The following CADM1 variants were observed in gnomAD, a reference collection of about 807,000 sequenced individuals.
CADM1 encodes cell adhesion molecule 1, also known as TSLC-1.
In CADM1, 15 loss-of-function variants were observed where a neutral mutation model predicts 53.1. The ratio of observed to expected loss-of-function variants is 0.28; its 90% CI spans 0.19 to 0.44. CADM1 has a LOEUF of 0.44. Ranked by LOEUF, CADM1 falls within the 20% of genes least tolerant of loss-of-function variation. The pLI is 1.00. For missense variants in CADM1, 434 were observed against 611.3 expected (o/e 0.71, Z 3.06); for synonymous variants, 281 against 243.0 (o/e 1.16, Z -1.45).
At chr11:115,190,842 C>A in intron 10 of CADM1, 46 bp downstream of exon 10, 1 of 1,512,468 alleles carries the variant, frequency 6.6e-7, no homozygotes, top group East Asian at 2.3e-5. Flanking sequence ...GATAGAGCAC[C>A]CACAGGTTGG....
At chr11:115,466,612 G>A (rs1333732187) in intron 1 of CADM1, among the ~76,000 whole-genome samples, 2 of 152,148 alleles carry the variant, frequency 1.3e-5, no homozygotes, top group East Asian at 3.8e-4. Context: ...CCAATATTAA[G>A]GTGTGCATTT....
chr11:115,391,148 TCTTATAA>T (rs1946826561), intron 1 of CADM1, among the ~76,000 whole-genome samples: 1 of 152,218 alleles, frequency 6.6e-6, no homozygotes, highest in Non-Finnish European at 1.5e-5. Flanking sequence ...GCGTCTAGAA[TCTTATAA>T]CCTGTCTGCA....
At chr11:115,191,255 C>T (rs147908368) in intron 9 of CADM1, among the ~76,000 whole-genome samples, 24 of 152,268 alleles carry the variant, frequency 1.6e-4, no homozygotes, top group African/African-American at 4.8e-4. Context: ...TGTTAGCTGT[C>T]GATGCTCTGA....
At chr11:115,396,411 G>A (rs1291742512) in intron 1 of CADM1, among the ~76,000 whole-genome samples, 1 of 152,174 alleles carries the variant, frequency 6.6e-6, no homozygotes, top group Non-Finnish European at 1.5e-5. Context: ...GAGAGCCAGG[G>A]TTGAGCTACA....
At chr11:115,494,129 A>G (rs554569748) in intron 1 of CADM1, among the ~76,000 whole-genome samples, 1 of 152,162 alleles carries the variant, frequency 6.6e-6, no homozygotes, top group Non-Finnish European at 1.5e-5. Flanking sequence ...GTGTGTATAC[A>G]TTATTGAGAG....
intron 1 of CADM1, among the ~76,000 whole-genome samples, chr11:115,320,347 G>C (rs1944790547): frequency 6.6e-6 from 1 of 152,108 alleles, no homozygotes; most frequent in African/African-American, 2.4e-5. Context: ...ACAGATGTGA[G>C]CTACCATGAT....
In CADM1 at chr11:115,320,514, T is replaced by C. The variant is rs1455912543; in HGVS notation, c.125-80094A>G. ...TTATAGGATAAAATCAGTTATTATT[T>C]TGAATTTCCTATGCAGATAGGTGTT... is the stretch of plus-strand genomic sequence containing the variant. On this transcript the variant is annotated intron_variant, in intron 1 of 11. Coordinates refer to ENST00000331581, the MANE Select transcript of CADM1 (RefSeq NM_001301043.2). Among the ~76,000 whole-genome samples the C allele has an allele frequency of 2.0e-5, 3 of 152,276 alleles. No individual in the cohort carries two copies. The East Asian group carries it at 5.8e-4, about 29-fold the overall frequency.
chr11:115,305,628 C>A (rs1326792725), intron 1 of CADM1, among the ~76,000 whole-genome samples: 42 of 151,912 alleles, frequency 2.8e-4, no homozygotes. Flanking sequence ...AATCCAGTTT[C>A]TTCTACCAGC....
chr11:115,402,501 C>T (rs1404634646), intron 1 of CADM1, among the ~76,000 whole-genome samples: 6 of 151,950 alleles, frequency 3.9e-5, no homozygotes, highest in Non-Finnish European at 7.4e-5. Flanking sequence ...CCAGCCTGGG[C>T]GATAGAGTGA....
rs117057777 is a variant in CADM1, at chr11:115,359,644, A to G, written c.125-119224T>C. Among the ~76,000 whole-genome samples, 11 of 152,302 alleles carry G rather than the reference A, an allele frequency of 7.2e-5. No homozygotes were observed. In the East Asian group the frequency reaches 1.9e-3, roughly 27 times the overall value. On this transcript the variant is annotated intron_variant, in intron 1 of 11. Transcript: ENST00000331581. The stretch of plus-strand genomic sequence containing the variant: ...CTAGTGTGCCAACAAATATTTACTG[A>G]GTGTCTACTATATGCCTGGCACCAA...
intron 1 of CADM1, among the ~76,000 whole-genome samples, chr11:115,482,074 T>C (rs1949269306): frequency 6.6e-6 from 1 of 152,186 alleles, no homozygotes; most frequent in Non-Finnish European, 1.5e-5. Context: ...GCAAACTATC[T>C]GCAGTTCCCA....
chr11:115,189,557 G>A (rs1344096874), intron 10 of CADM1, among the ~76,000 whole-genome samples: 1 of 806 alleles, frequency 1.2e-3, no homozygotes, highest in Middle Eastern at 0.17. Flanking sequence ...CACATTTTAC[G>A]TAGGGAGGAC....
intron 1 of CADM1, among the ~76,000 whole-genome samples, chr11:115,447,697 G>A (rs553472945): frequency 6.6e-6 from 1 of 152,232 alleles, no homozygotes; most frequent in East Asian, 1.9e-4. Flanking sequence ...AGCAAACGGT[G>A]GCTGGTAGCT....
chr11:115,219,815 C>T (rs907642988), intron 5 of CADM1, among the ~76,000 whole-genome samples: 3 of 152,012 alleles, frequency 2.0e-5, no homozygotes, highest in Non-Finnish European at 4.4e-5. Context: ...GTAACACACA[C>T]ACACTAGTTA....
intron 1 of CADM1, among the ~76,000 whole-genome samples, chr11:115,502,561 T>G (rs1345084282): frequency 2.0e-5 from 3 of 151,658 alleles, no homozygotes; most frequent in Non-Finnish European, 4.4e-5. Flanking sequence ...CCCAATTATC[T>G]CGTAACTCAT....
intron 1 of CADM1, among the ~76,000 whole-genome samples, chr11:115,253,065 TG>T (rs1408328651): frequency 2.0e-5 from 3 of 152,120 alleles, no homozygotes; most frequent in African/African-American, 7.2e-5. Context: ...ACACTAACAC[TG>T]ATGACCCCTG....
Position 115,173,820 on chromosome 11 carries a change from A to C in CADM1, c.*2654T>G. On this transcript the variant is annotated 3_prime_UTR_variant, in exon 12 of 12. Transcript: ENST00000331581. ...AAACAGAACTGGCCTAAAGGGAAAA[A>C]TAAGACGTCGGTGTGACTAAAGAAC... The C allele has an allele frequency of 1.0e-6, 1 of 984,542 alleles. No homozygotes were observed. Among genetic ancestry groups the C allele is most frequent in the Non-Finnish European group, 1.2e-6 (1 of 829,152 alleles). The allele number at this position is 984,542 out of a possible 1,614,324, so 61.0% of individuals were successfully genotyped here.
At chr11:115,354,031 A>C (rs1212557710) in intron 1 of CADM1, among the ~76,000 whole-genome samples, 4 of 152,356 alleles carry the variant, frequency 2.6e-5, no homozygotes, top group African/African-American at 9.6e-5. Context: ...TGTCCAGCAC[A>C]CAGTACAAAA....
At chr11:115,209,288 T>C (rs1213830737) in intron 8 of CADM1, among the ~76,000 whole-genome samples, 1 of 152,214 alleles carries the variant, frequency 6.6e-6, no homozygotes, top group Non-Finnish European at 1.5e-5. Flanking sequence ...TGTTCTCTAG[T>C]AGCCAGCTGC....
Sources: gnomAD v4.1 joint callset for allele counts (sites outside exome capture counted in the v4.1 genomes callset) on GRCh38, gnomAD v4.1.1 for gene constraint, MANE v1.5 for transcripts, NCBI Gene and HGNC (gene_info 2026-07-23, HGNC 2026-07-21) for gene names.